Variants in TRPC4 observed in about 807,000 individuals in gnomAD.
TRPC4 encodes the protein transient receptor potential cation channel subfamily C member 4.
Under a neutral mutation model 99.4 loss-of-function variants are expected in TRPC4, and 49 were observed. The ratio of observed to expected loss-of-function variants is 0.49; its 90% CI spans 0.39 to 0.63. The LOEUF is 0.63. Ranked by LOEUF, TRPC4 falls within the 20% of genes least tolerant of loss-of-function variation. The pLI is 0.00. For synonymous variants in TRPC4, 454 were observed against 425.9 expected, an observed-to-expected ratio of 1.07 and a Z score of -0.81; for missense variants, 898 against 1,152.9, an observed-to-expected ratio of 0.78 and a Z score of 3.20.
intron 2 of TRPC4, among the ~76,000 whole-genome samples, chr13:37,774,845 G>A (rs1259894017): frequency 6.6e-6 from 1 of 151,660 alleles, no homozygotes; most frequent in Non-Finnish European, 1.5e-5. Context: ...AACAGTTACT[G>A]AGCCTTCTAA....
intron 3 of TRPC4, among the ~76,000 whole-genome samples, chr13:37,742,022 G>C (rs889692429): frequency 6.6e-6 from 1 of 151,680 alleles, no homozygotes; most frequent in Non-Finnish European, 1.5e-5. Context: ...ACTTAACCCA[G>C]TTGCTAAAAT....
At chr13:37,726,010 A>G (rs1470422604) in intron 3 of TRPC4, among the ~76,000 whole-genome samples, 1 of 152,110 alleles carries the variant, frequency 6.6e-6, no homozygotes, top group Non-Finnish European at 1.5e-5. Context: ...AGCATGGCCA[A>G]TATGGTGAAA....
intron 4 of TRPC4, among the ~76,000 whole-genome samples, chr13:37,684,403 A>C (rs1250919686): frequency 6.6e-6 from 1 of 152,202 alleles, no homozygotes; most frequent in Non-Finnish European, 1.5e-5. Flanking sequence ...TTAGTTTCAG[A>C]GTAAGAGTGA....
intron 1 of TRPC4, among the ~76,000 whole-genome samples, chr13:37,784,166 A>C (rs1036143426): frequency 6.6e-6 from 1 of 152,180 alleles, no homozygotes; most frequent in African/African-American, 2.4e-5. Context: ...ATTAATCATC[A>C]AGATGAGTCT....
chr13:37,863,773 G>T (rs1249794955), intron 1 of TRPC4, among the ~76,000 whole-genome samples: 2 of 151,468 alleles, frequency 1.3e-5, no homozygotes, highest in African/African-American at 4.8e-5. Flanking sequence ...GATTCATATT[G>T]GTGTATGATC....
intron 8 of TRPC4, among the ~76,000 whole-genome samples, chr13:37,645,968 A>G (rs1328459003): frequency 6.6e-6 from 1 of 152,246 alleles, no homozygotes; most frequent in Non-Finnish European, 1.5e-5. Context: ...ACACTCACGG[A>G]TGAAAACTGT....
rs531518057 is a variant in TRPC4, at chr13:37,650,886, C to G, written c.2079+379G>C. Reference sequence around the variant, plus strand: ...GCCCTTCCCTCATGGAGCATACGATCCAGAGGGGGAAACAGACAATGAGGA... The same window carrying G: ...GCCCTTCCCTCATGGAGCATACGATGCAGAGGGGGAAACAGACAATGAGGA... On this transcript the variant is annotated intron_variant, in intron 8 of 10. Transcript: ENST00000379705. Among the ~76,000 whole-genome samples, 49 of 152,232 alleles carry G rather than the reference C, an allele frequency of 3.2e-4. No homozygotes were observed. The South Asian group carries it at 9.5e-3, about 30-fold the overall frequency.
At chr13:37,673,827 T>C (rs1842495308) in intron 5 of TRPC4, among the ~76,000 whole-genome samples, 1 of 152,192 alleles carries the variant, frequency 6.6e-6, no homozygotes, top group South Asian at 2.1e-4. Flanking sequence ...GAAAGAGTAA[T>C]ATTTTGATCT....
intron 1 of TRPC4, among the ~76,000 whole-genome samples, chr13:37,862,882 T>C (rs1377490107): frequency 6.6e-6 from 1 of 151,436 alleles, no homozygotes; most frequent in Non-Finnish European, 1.5e-5. Context: ...ACGCATCACA[T>C]AACAACATTT....
chr13:37,828,946 C>G (rs1160135012), intron 1 of TRPC4, among the ~76,000 whole-genome samples: 2 of 152,094 alleles, frequency 1.3e-5, no homozygotes, highest in African/African-American at 4.8e-5. Context: ...ACAATCTGCA[C>G]ATGTACCCCT....
At chr13:37,787,097 T>G (rs999697823) in intron 1 of TRPC4, among the ~76,000 whole-genome samples, 1 of 152,054 alleles carries the variant, frequency 6.6e-6, no homozygotes, top group South Asian at 2.1e-4. Context: ...AGTTATATAG[T>G]GGAAAGAACA....
At chr13:37,783,708 A>C (rs911147380) in intron 1 of TRPC4, among the ~76,000 whole-genome samples, 5 of 152,156 alleles carry the variant, frequency 3.3e-5, no homozygotes, top group African/African-American at 4.8e-5. Flanking sequence ...TTTGAGTATC[A>C]GAGGCCATAT....
At chr13:37,849,540 C>T (rs1277653288) in intron 1 of TRPC4, among the ~76,000 whole-genome samples, 1 of 152,142 alleles carries the variant, frequency 6.6e-6, no homozygotes, top group African/African-American at 2.4e-5. Flanking sequence ...TGGACATGAC[C>T]AAGCAGCCAC....
rs528492853 is a variant in TRPC4, at chr13:37,691,897, C to G, written c.1234+102G>C. On this transcript the variant is annotated intron_variant, in intron 4 of 10. Coordinates refer to ENST00000379705, the MANE Select transcript of TRPC4 (RefSeq NM_016179.4). ...GGAGCTACAATAGTCAGAACCTATT[C>G]TAAACATTCCTAGGTCCCAAACATT... 1.5e-3 allele frequency: 1,758 copies of G among 1,164,126 alleles called. 2 individuals are homozygous for G. The highest frequency in any genetic ancestry group is 1.7e-3 in the Non-Finnish European group (1,418 of 832,582). The allele number at this position is 1,164,126 out of a possible 1,614,324, so 72.1% of individuals were successfully genotyped here.
intron 1 of TRPC4, among the ~76,000 whole-genome samples, chr13:37,826,166 T>C (rs1316957285): frequency 8.7e-6 from 1 of 115,596 alleles, no homozygotes; most frequent in Non-Finnish European, 1.8e-5. Flanking sequence ...CCTATGTGTG[T>C]CTCTGCACAT....
At chr13:37,739,001 A>C (rs1350355652) in intron 3 of TRPC4, among the ~76,000 whole-genome samples, 2 of 152,186 alleles carry the variant, frequency 1.3e-5, no homozygotes, top group Non-Finnish European at 2.9e-5. Context: ...AAAACAAAAC[A>C]AAAAACCTTT....
intron 1 of TRPC4, among the ~76,000 whole-genome samples, chr13:37,827,301 T>C (rs1358794328): frequency 6.6e-6 from 1 of 152,226 alleles, no homozygotes; most frequent in Admixed American, 6.5e-5. Flanking sequence ...TCCAGCTTTG[T>C]TCCATTGCTG....
At chr13:37,664,986 C>A (rs985604141) in intron 5 of TRPC4, among the ~76,000 whole-genome samples, 7 of 152,046 alleles carry the variant, frequency 4.6e-5, no homozygotes, top group Admixed American at 1.3e-4. Flanking sequence ...ATCTTTAAAT[C>A]TTGATAAATG....
chr13:37,782,435 T>G (rs934107304), intron 2 of TRPC4, among the ~76,000 whole-genome samples: 7 of 152,098 alleles, frequency 4.6e-5, no homozygotes, highest in African/African-American at 1.7e-4. Context: ...TTTCTTTAAG[T>G]CTCAATTTAA....
Sources: gnomAD v4.1 joint callset for allele counts (sites outside exome capture counted in the v4.1 genomes callset) on GRCh38, gnomAD v4.1.1 for gene constraint, MANE v1.5 for transcripts, NCBI Gene and HGNC (gene_info 2026-07-23, HGNC 2026-07-21) for gene names.